Variants in MAD2L2 observed in about 807,000 individuals in gnomAD.
MAD2L2 encodes the protein mitotic spindle assembly checkpoint protein MAD2B.
MAD2L2 carries 17 observed loss-of-function variants against 30.5 expected under a neutral mutation model. That is an observed-to-expected ratio of 0.56 (90% confidence interval 0.38 to 0.84). The LOEUF (loss-of-function observed/expected upper bound fraction) is 0.84. Among genes scored for constraint, MAD2L2 ranks in the 40% least tolerant of loss-of-function variants. MAD2L2 has a pLI of 0.00. For synonymous variants in MAD2L2, 101 were observed against 113.9 expected (o/e 0.89, Z 0.72); for missense variants, 213 against 277.4 (o/e 0.77, Z 1.65).
At chr1:11,675,928 A>C (rs1301718655) in intron 6 of MAD2L2, 118 bp downstream of exon 6, 2 of 941,504 alleles carry the variant, frequency 2.1e-6, no homozygotes, top group Non-Finnish European at 3.5e-6. Context: ...GAGGAGGTGG[A>C]CTCTCAGGGT....
intron 3 of MAD2L2, among the ~76,000 whole-genome samples, chr1:11,678,523 G>T (rs1189183099): frequency 6.6e-6 from 1 of 152,220 alleles, no homozygotes; most frequent in Non-Finnish European, 1.5e-5. Context: ...CCCTAAAGTT[G>T]TATCTTTGTG....
chr1:11,676,172 T>C (rs1346948687), intron 5 of MAD2L2, 32 bp from the exon 6 acceptor site: 2 of 1,434,128 alleles, frequency 1.4e-6, no homozygotes, highest in African/African-American at 1.4e-5. Context: ...CCCATCACAC[T>C]GGCGCCCTCC....
intron 3 of MAD2L2, among the ~76,000 whole-genome samples, chr1:11,678,236 A>G (rs190755460): frequency 6.6e-6 from 1 of 151,778 alleles, no homozygotes; most frequent in Admixed American, 6.6e-5. Flanking sequence ...CCAAAATGGC[A>G]AAACCCCATC....
upstream of MAD2L2, chr1:11,682,133 C>T (rs1232526941): frequency 6.6e-6 from 1 of 152,228 alleles, no homozygotes; most frequent in Non-Finnish European, 1.5e-5. Flanking sequence ...CCCCACTTTA[C>T]AGATGGTTAA....
At chr1:11,675,249 TC>T in intron 7 of MAD2L2, 75 bp from the exon 8 acceptor site, 2 of 1,023,278 alleles carry the variant, frequency 2.0e-6, no homozygotes, top group Non-Finnish European at 2.9e-6. Flanking sequence ...TCCCTCCCAC[TC>T]CAGACCAGGG....
chr1:11,677,137 G>A lies in MAD2L2; in HGVS notation c.232-189C>T, dbSNP rs1640784102. The A allele has an allele frequency of 1.4e-5, 9 of 636,012 alleles. No individual in the cohort carries two copies. The South Asian group carries it at 1.5e-4, about 10-fold the overall frequency. 39.4% of individuals were successfully genotyped at this position (636,012 alleles called of 1,614,324 possible). A position where few individuals can be genotyped will look rare whatever the true frequency, so the allele number is the denominator to read the frequency against. On this transcript the variant is annotated intron_variant, in intron 4 of 8. Coordinates refer to ENST00000376692, the MANE Select transcript of MAD2L2 (RefSeq NM_006341.4). The stretch of plus-strand genomic sequence containing the variant: ...GCCGGCACCCTCCAGCATGAGTGGT[G>A]TAGGCTGAGAGAATGCCCGGGCCCC...
chr1:11,676,770 G>C, intron 5 of MAD2L2, 78 bp downstream of exon 5: 2 of 1,140,822 alleles, frequency 1.8e-6, no homozygotes, highest in Non-Finnish European at 2.7e-6. Context: ...GGTATTCAAG[G>C]GCCGCCTTAA....
rs201210724 is a variant in MAD2L2 at position 11,680,345 on chromosome 1, T to C, written c.159+8A>G. The C allele has an allele frequency of 3.1e-4, 506 of 1,610,802 alleles. 1 individual carries two copies. Among genetic ancestry groups the C allele is most frequent in the Non-Finnish European group, 3.7e-4 (432 of 1,177,408 alleles). On this transcript the variant is annotated splice_region_variant and intron_variant, in intron 3 of 8. Transcript: ENST00000376692. Reference sequence around the variant, plus strand: ...GTACCCACTCTGTGGTTCTGGGACGTGCCTCACCTGGACCGGCACGTTGTA... The same window carrying C: ...GTACCCACTCTGTGGTTCTGGGACGCGCCTCACCTGGACCGGCACGTTGTA...
chr1:11,687,924 GAA>G lies in MAD2L2; in HGVS notation c.-692+3487_-692+3488del, dbSNP rs759069139. ...TCAAGTACCTCATTTTACAGACAAG[GAA>G]ACTGAGGCCCTAAAGTCATCATAAA... On this transcript the variant is annotated intron_variant, in intron 1 of 10. Coordinates refer to the MAD2L2 transcript ENST00000235310. The surrounding 1 kb of genome is among the most constrained non-coding windows in gnomAD (Gnocchi z 4.1). 2.2e-4 allele frequency among the ~76,000 whole-genome samples: 33 copies of G among 152,224 alleles called. No individual in the cohort carries two copies. Among genetic ancestry groups the G allele is most frequent in the Non-Finnish European group, 4.1e-4 (28 of 68,016 alleles).
intron 5 of MAD2L2, among the ~76,000 whole-genome samples, chr1:11,676,353 C>T (rs3767300): frequency 0.61 from 92,676 of 151,998 alleles, 29,543 homozygotes; most frequent in African/African-American, 0.8. Context: ...AGTCAGAATT[C>T]GGCGGGGGGT....
rs1317754760 is a variant in MAD2L2, at chr1:11,687,974, C to T, written c.-692+3439G>A. Among the ~76,000 whole-genome samples, 1 of 152,168 alleles carries T rather than the reference C, an allele frequency of 6.6e-6. No homozygotes were observed. The highest frequency in any genetic ancestry group is 1.5e-5 in the Non-Finnish European group (1 of 68,034). On this transcript the variant is annotated intron_variant, in intron 1 of 10. Transcript: ENST00000235310. The surrounding 1 kb of genome is among the most constrained non-coding windows in gnomAD (Gnocchi z 4.1). Reference sequence around the variant, plus strand: ...AAACTGGATGGGATAGGAGTCCAGGCCTCTCCTAACATCCACCTTTTCATA... The same window carrying T: ...AAACTGGATGGGATAGGAGTCCAGGTCTCTCCTAACATCCACCTTTTCATA...
chr1:11,680,692 C>A, intron 1 of MAD2L2, 79 bp from the exon 2 acceptor site: 1 of 1,493,784 alleles, frequency 6.7e-7, no homozygotes. Context: ...CGTCTCTTCC[C>A]TCCCCACAGT....
In MAD2L2 at chr1:11,674,885, G is replaced by T; in HGVS notation, c.595-69C>A. On this transcript the variant is annotated intron_variant, in intron 8 of 8. Transcript: ENST00000376692. This position sits in a 1 kb window ranked among gnomAD's most constrained non-coding sequence, Gnocchi z 6.1. Reference sequence around the variant, plus strand: ...GGCATCCCTGCTGGAGGACACAGAAGCCCCTGGTGGGCAGACCTCCACCAC... The same window carrying T: ...GGCATCCCTGCTGGAGGACACAGAATCCCCTGGTGGGCAGACCTCCACCAC... 6.4e-7 allele frequency: 1 copy of T among 1,565,836 alleles called. No homozygotes were observed. The highest frequency in any genetic ancestry group is 8.8e-7 in the Non-Finnish European group (1 of 1,137,204).
At chr1:11,680,982 C>T (rs1191410011) in intron 1 of MAD2L2, 57 bp downstream of exon 1, 1 of 178,568 alleles carries the variant, frequency 5.6e-6, no homozygotes, top group East Asian at 1.5e-4. Flanking sequence ...ACTCCGCCCC[C>T]TGCTACGCCG....
intron 3 of MAD2L2, 59 bp downstream of exon 3, chr1:11,680,294 C>T: frequency 6.9e-7 from 1 of 1,443,408 alleles, no homozygotes; most frequent in South Asian, 1.2e-5. Flanking sequence ...CGGCGCCCGA[C>T]CAAAGAATTT....
At chr1:11,675,623 A>G (rs1322861604) in intron 7 of MAD2L2, 35 bp downstream of exon 7, 1 of 1,603,194 alleles carries the variant, frequency 6.2e-7, no homozygotes, top group Non-Finnish European at 8.5e-7. Context: ...ACGTTTCTAG[A>G]GCCTGCGCCC....
At chr1:11,683,683 G>A (rs554715832), upstream of MAD2L2, among the ~76,000 whole-genome samples, 3 of 152,022 alleles carry the variant, frequency 2.0e-5, no homozygotes, top group East Asian at 1.9e-4. Context: ...AAAAAAAAAC[G>A]TCAGCTGGGC....
chr1:11,680,243 G>A (rs1304816125), intron 3 of MAD2L2, 110 bp downstream of exon 3: 38 of 838,410 alleles, frequency 4.5e-5, no homozygotes, highest in Non-Finnish European at 7.0e-5. Flanking sequence ...TGATCCGCCC[G>A]CCTCGGCCTC....
chr1:11,680,943 T>C (rs893725107), intron 1 of MAD2L2, 96 bp downstream of exon 1: 9 of 301,424 alleles, frequency 3.0e-5, no homozygotes, highest in African/African-American at 4.4e-5. Flanking sequence ...AAGCGGGACA[T>C]GCGGAAAGCG....
Sources: allele counts gnomAD v4.1 joint callset (sites outside exome capture counted in the v4.1 genomes callset), GRCh38; gene constraint gnomAD v4.1.1; non-coding constraint Gnocchi (gnomAD v3.1); transcripts MANE v1.5; gene names NCBI Gene and HGNC (gene_info 2026-07-23, HGNC 2026-07-21).